MACF1: variants seen among roughly 807,000 people sequenced by gnomAD.
The protein encoded by MACF1 is microtubule actin crosslinking factor 1, also known as microtubule-actin cross-linking factor 1.
A neutral mutation model predicts 854.8 loss-of-function variants in MACF1; 193 were observed. That is an observed-to-expected ratio of 0.23 (90% CI 0.20 to 0.25). The LOEUF is 0.25. Ranked by LOEUF, MACF1 falls within the 10% of genes least tolerant of loss-of-function variation. MACF1 has a pLI of 1.00. For synonymous variants in MACF1, 3,185 were observed against 3,226.7 expected, an observed-to-expected ratio of 0.99 and a Z score of 0.44; for missense variants, 7,722 against 8,929.1, an observed-to-expected ratio of 0.86 and a Z score of 5.45.
At chr1:39,431,560 CT>C (rs1187415095) in intron 66 of MACF1, among the ~76,000 whole-genome samples, 3 of 152,164 alleles carry the variant, frequency 2.0e-5, no homozygotes, top group African/African-American at 7.2e-5. Flanking sequence ...CCCAGTGTGT[CT>C]TTAGAGTTAT....
At chr1:39,441,439 G>A in intron 74 of MACF1, 114 bp downstream of exon 74, 1 of 784,222 alleles carries the variant, frequency 1.3e-6, no homozygotes, top group Non-Finnish European at 2.1e-6. Context: ...GCAGACCTAA[G>A]ATAGTGGTGT....
At chr1:39,153,153 T>C (rs1410819737) in intron 2 of MACF1, among the ~76,000 whole-genome samples, 1 of 152,206 alleles carries the variant, frequency 6.6e-6, no homozygotes, top group Non-Finnish European at 1.5e-5. Context: ...ATCAATTTCC[T>C]ACCCTTCCAT....
At chr1:39,234,279 T>G (rs1214558877) in intron 2 of MACF1, among the ~76,000 whole-genome samples, 1 of 152,116 alleles carries the variant, frequency 6.6e-6, no homozygotes, top group Non-Finnish European at 1.5e-5. Context: ...ATTGTCATCC[T>G]GGCCCGTTCT....
At chr1:39,186,234 G>A (rs1014379731) in intron 2 of MACF1, among the ~76,000 whole-genome samples, 1 of 125,950 alleles carries the variant, frequency 7.9e-6, no homozygotes, top group Admixed American at 7.8e-5. Flanking sequence ...GTGTGTGTGT[G>A]TGTGTGTGTG....
At chr1:39,397,171 G>A (rs1425202141) in intron 58 of MACF1, among the ~76,000 whole-genome samples, 2 of 152,114 alleles carry the variant, frequency 1.3e-5, no homozygotes, top group East Asian at 3.9e-4. Context: ...ATAGTCTCTA[G>A]TTAACAGTGT....
chr1:39,413,830 G>A (rs761599538), intron 58 of MACF1: 2 of 1,611,320 alleles, frequency 1.2e-6, no homozygotes, highest in Admixed American at 1.7e-5. Flanking sequence ...TGCAGCTGTG[G>A]TGGCCACCCT....
chr1:39,458,592 A>G, intron 90 of MACF1, 102 bp downstream of exon 90: 8 of 1,428,238 alleles, frequency 5.6e-6, no homozygotes, highest in Non-Finnish European at 7.5e-6. Flanking sequence ...ATTTTCAAAA[A>G]CCGTGTTGGT....
chr1:39,464,058 T>TGG (rs970886432), intron 94 of MACF1: 2 of 206,510 alleles, frequency 9.7e-6, no homozygotes, highest in African/African-American at 4.5e-5. Flanking sequence ...TAGAGAGGCC[T>TGG]GGGGAAACTG....
At chr1:39,404,472 A>AG (rs1491235482) in intron 58 of MACF1, among the ~76,000 whole-genome samples, 10 of 136,724 alleles carry the variant, frequency 7.3e-5, no homozygotes, top group African/African-American at 2.5e-4. Context: ...CCCTGTCTGG[A>AG]AAAAAAAAAA....
At chr1:39,342,340 A>G (rs1215245099) in intron 40 of MACF1, among the ~76,000 whole-genome samples, 1 of 152,174 alleles carries the variant, frequency 6.6e-6, no homozygotes, top group East Asian at 1.9e-4. Flanking sequence ...TGCTATTGTG[A>G]ATAGTGCTGT....
chr1:39,220,519 G>T, intron 1 of MACF1, among the ~76,000 whole-genome samples: 1 of 119,630 alleles, frequency 8.4e-6, no homozygotes, highest in Non-Finnish European at 1.7e-5. Flanking sequence ...ATCTTACTCT[G>T]CCACCCAGGC....
intron 2 of MACF1, among the ~76,000 whole-genome samples, chr1:39,192,142 CT>C (rs1644261849): frequency 6.6e-6 from 1 of 152,130 alleles, no homozygotes; most frequent in East Asian, 1.9e-4. Flanking sequence ...CACAGCAAGA[CT>C]CTGTCTCAAA....
intron 2 of MACF1, among the ~76,000 whole-genome samples, chr1:39,131,342 T>TA (rs1166142289): frequency 5.7e-4 from 81 of 140,926 alleles, no homozygotes; most frequent in African/African-American, 2.2e-3. Flanking sequence ...GTTTTATTAT[T>TA]TTTTTTTTTT....
In MACF1 at chr1:39,333,633, G is replaced by A. The variant is rs775491818; in HGVS notation, c.7045G>A (p.Val2349Ile). 9.9e-6 allele frequency: 16 copies of A among 1,614,202 alleles called. No homozygotes were observed. Among genetic ancestry groups the A allele is most frequent in the Non-Finnish European group, 8.5e-7 (1 of 1,180,030 alleles). The change falls in exon 37 of 101, where the codon GTC becomes ATC. Residue 2349 changes from valine (V) to isoleucine (I), a missense_variant. Val to Ile is a conservative substitution (Grantham distance 29). Transcript: ENST00000564288. The stretch of plus-strand genomic sequence containing the variant: ...TTGTGAGTCTTTGACAACTGAAGAA[G>A]TCATTAATGAAGGTCTGATGGATGA... Reference protein sequence around the residue: ...QTCESLTTEEVINEGLMDEKL... With the variant: ...QTCESLTTEEIINEGLMDEKL...
At chr1:39,344,543 G>T (rs1387380142) in intron 40 of MACF1, among the ~76,000 whole-genome samples, 7 of 152,276 alleles carry the variant, frequency 4.6e-5, no homozygotes, top group Middle Eastern at 3.4e-3. Flanking sequence ...CTTTGACTTG[G>T]GGTTTTATAT....
intron 31 of MACF1, among the ~76,000 whole-genome samples, chr1:39,320,842 C>T (rs1486612576): frequency 6.6e-6 from 1 of 152,044 alleles, no homozygotes; most frequent in Non-Finnish European, 1.5e-5. Context: ...TAGTGGTGTG[C>T]ACCTGTAGTC....
chr1:39,239,225 G>A (rs886470960), intron 2 of MACF1, among the ~76,000 whole-genome samples: 2 of 152,286 alleles, frequency 1.3e-5, no homozygotes, highest in Admixed American at 6.5e-5. Flanking sequence ...AGGTTGCAGT[G>A]AGCTGAGATC....
chr1:39,119,556 A>G (rs1642641505), intron 2 of MACF1, among the ~76,000 whole-genome samples: 1 of 152,090 alleles, frequency 6.6e-6, no homozygotes, highest in South Asian at 2.1e-4. Flanking sequence ...TACTTTGCAA[A>G]TGATGCTGGT....
chr1:39,276,029 C>T (rs1388846564), intron 6 of MACF1, among the ~76,000 whole-genome samples: 5 of 152,146 alleles, frequency 3.3e-5, no homozygotes, highest in South Asian at 2.1e-4. Flanking sequence ...AAACGATCCT[C>T]GTGCCTCAAC....
Sources: allele counts gnomAD v4.1 joint callset (sites outside exome capture counted in the v4.1 genomes callset), GRCh38; gene constraint gnomAD v4.1.1; transcripts MANE v1.5; gene names NCBI Gene and HGNC (gene_info 2026-07-23, HGNC 2026-07-21).